Variants in NOTCH2NLC observed in about 807,000 individuals in gnomAD.
The protein encoded by NOTCH2NLC is notch 2 N-terminal like C, also known as notch homolog 2 N-terminal-like protein C.
A neutral mutation model predicts 17.7 loss-of-function variants in NOTCH2NLC; 4 were observed. That is an observed-to-expected ratio of 0.23 (90% confidence interval 0.11 to 0.52). NOTCH2NLC has a LOEUF of 0.52. Among genes scored for constraint, NOTCH2NLC ranks in the 20% least tolerant of loss-of-function variants. NOTCH2NLC has a pLI of 0.96. For synonymous variants in NOTCH2NLC, 18 were observed against 86.0 expected (o/e 0.21, Z 4.38); for missense variants, 57 against 207.2 (o/e 0.28, Z 4.45).
At chr1:149,424,438 T>A (rs1371406383) in intron 1 of NOTCH2NLC, among the ~76,000 whole-genome samples, 6 of 150,616 alleles carry the variant, frequency 4.0e-5, no homozygotes, top group African/African-American at 1.5e-4. Context: ...CTCATTAGAT[T>A]GTAAGGACCA....
intron 1 of NOTCH2NLC, among the ~76,000 whole-genome samples, chr1:149,417,173 G>A (rs1159259270): frequency 6.9e-5 from 9 of 130,894 alleles, no homozygotes; most frequent in Non-Finnish European, 1.1e-4. Flanking sequence ...GCAGTGGCGC[G>A]ATCTCTGCTC....
rs1328522008 is a variant in NOTCH2NLC, at chr1:149,410,371, G to A, written c.135+19449G>A. 3.3e-5 allele frequency among the ~76,000 whole-genome samples: 5 copies of A among 149,744 alleles called. 1 individual carries two copies. The highest frequency in any genetic ancestry group is 3.3e-4 in the Admixed American group (5 of 15,038). ...TTCCTGCCTTTTGATAAAAAACAGT[G>A]TGTTTTTTTCTAAATCTTGTTGTGT... On this transcript the variant is annotated intron_variant, in intron 1 of 4. Transcript: ENST00000650865.
intron 1 of NOTCH2NLC, among the ~76,000 whole-genome samples, chr1:149,398,595 A>G (rs2084222165): frequency 6.6e-6 from 1 of 150,698 alleles, no homozygotes; most frequent in Non-Finnish European, 1.5e-5. Flanking sequence ...TAGCTCCCCA[A>G]TAGTTTGGCC....
At chr1:149,448,599 T>G (rs2084568728) in intron 2 of NOTCH2NLC, among the ~76,000 whole-genome samples, 1 of 150,144 alleles carries the variant, frequency 6.7e-6, no homozygotes, top group Admixed American at 6.7e-5. Flanking sequence ...CGGAGCATTA[T>G]TCTTTCTTGA....
chr1:149,429,396 T>A (rs2084431456), intron 1 of NOTCH2NLC, among the ~76,000 whole-genome samples: 1 of 149,760 alleles, frequency 6.7e-6, no homozygotes, highest in Non-Finnish European at 1.5e-5. Context: ...TGGATTCAAA[T>A]TCTAGCTTTC....
At chr1:149,421,314 G>A (rs1330844649) in intron 1 of NOTCH2NLC, among the ~76,000 whole-genome samples, 17 of 146,586 alleles carry the variant, frequency 1.2e-4, no homozygotes, top group Non-Finnish European at 2.0e-4. Context: ...TGGCTAACAC[G>A]GTGAAACCCT....
At chr1:149,429,754 C>T (rs1339227128) in intron 1 of NOTCH2NLC, among the ~76,000 whole-genome samples, 1 of 150,930 alleles carries the variant, frequency 6.6e-6, no homozygotes, top group Non-Finnish European at 1.5e-5. Flanking sequence ...GTTTCGTGGC[C>T]AGGGATGGCC....
intron 1 of NOTCH2NLC, among the ~76,000 whole-genome samples, chr1:149,424,988 T>C (rs1212002072): frequency 1.3e-5 from 2 of 151,324 alleles, no homozygotes; most frequent in Non-Finnish European, 3.0e-5. Flanking sequence ...ACCTTCAACA[T>C]TGGGGATTAC....
At chr1:149,401,819 G>GT (rs2084247764) in intron 1 of NOTCH2NLC, among the ~76,000 whole-genome samples, 1 of 86,226 alleles carries the variant, frequency 1.2e-5, no homozygotes, top group African/African-American at 4.6e-5. Flanking sequence ...CTCTGCCTCA[G>GT]TTTTTTCCAT....
intron 1 of NOTCH2NLC, among the ~76,000 whole-genome samples, chr1:149,424,060 G>A (rs1207224566): frequency 1.3e-5 from 2 of 151,166 alleles, no homozygotes; most frequent in Admixed American, 6.6e-5. Flanking sequence ...CTAGGTAAAT[G>A]CCTAGAGGAA....
chr1:149,432,265 C>T (rs2084455734), intron 2 of NOTCH2NLC, among the ~76,000 whole-genome samples: 2 of 149,154 alleles, frequency 1.3e-5, no homozygotes, highest in South Asian at 2.1e-4. Flanking sequence ...GTTCTGACAC[C>T]AGGATTTAGT....
rs1383362608 is a variant in NOTCH2NLC, at chr1:149,445,737, A to G, written c.210-9581A>G. On this transcript the variant is annotated intron_variant, in intron 2 of 4. Transcript: ENST00000650865. The stretch of plus-strand genomic sequence containing the variant: ...CAGCTGCAGTGCCGACGCAACCCAC[A>G]TGAGACTTTTTTTTCCCCTTCGTTC... 2.1e-4 allele frequency among the ~76,000 whole-genome samples: 31 copies of G among 148,942 alleles called. 1 individual carries two copies. The East Asian group carries it at 4.8e-3, about 23-fold the overall frequency.
intron 1 of NOTCH2NLC, among the ~76,000 whole-genome samples, chr1:149,409,291 TTAAG>T (rs2084285480): frequency 6.7e-6 from 1 of 150,190 alleles, no homozygotes; most frequent in South Asian, 2.1e-4. Context: ...AATATCTGAA[TTAAG>T]TATCTCTGAT....
intron 1 of NOTCH2NLC, among the ~76,000 whole-genome samples, chr1:149,408,639 T>G (rs1359448187): frequency 1.3e-5 from 2 of 151,380 alleles, no homozygotes; most frequent in Admixed American, 1.3e-4. Flanking sequence ...AAATTTTAAC[T>G]CTGCCAAATG....
At chr1:149,400,131 T>TA (rs1170295050) in intron 1 of NOTCH2NLC, among the ~76,000 whole-genome samples, 1 of 135,002 alleles carries the variant, frequency 7.4e-6, no homozygotes, top group Non-Finnish European at 1.6e-5. Flanking sequence ...TATATATATA[T>TA]AATATATATT....
At chr1:149,427,425 G>C (rs1315378535) in intron 1 of NOTCH2NLC, among the ~76,000 whole-genome samples, 7 of 140,596 alleles carry the variant, frequency 5.0e-5, no homozygotes, top group African/African-American at 1.6e-4. Context: ...TTCTATCCAT[G>C]TTGTCTCAAA....
chr1:149,448,841 A>G (rs1484676600), intron 2 of NOTCH2NLC, among the ~76,000 whole-genome samples: 18 of 140,408 alleles, frequency 1.3e-4, no homozygotes, highest in Non-Finnish European at 3.1e-5. Flanking sequence ...TCTAGAGTCT[A>G]CTTGGGTTTG....
rs1436533772 is a variant in NOTCH2NLC, at chr1:149,464,790, G to T, written c.*637G>T. On this transcript the variant is annotated 3_prime_UTR_variant, in exon 5 of 5. Transcript: ENST00000650865. ...AAAAGAAGGAAAACTGTAGGGGGGAGTAATGTGCTAAGTAAGCAGAATTGC... is the reference window on the plus strand; with the variant it reads ...AAAAGAAGGAAAACTGTAGGGGGGATTAATGTGCTAAGTAAGCAGAATTGC... 1.3e-5 allele frequency: 2 copies of T among 151,580 alleles called. No homozygotes were observed. Among genetic ancestry groups the T allele is most frequent in the African/African-American group, 2.4e-5 (1 of 41,190 alleles). The allele number at this position is 151,580 out of a possible 1,614,324, so 9.4% of individuals were successfully genotyped here.
chr1:149,396,091 G>A (rs1430503898), intron 1 of NOTCH2NLC, among the ~76,000 whole-genome samples: 1 of 150,126 alleles, frequency 6.7e-6, no homozygotes, highest in African/African-American at 2.5e-5. Flanking sequence ...CATTCTATAG[G>A]AGAGGCTGAT....
Sources: gnomAD v4.1 joint callset for allele counts (sites outside exome capture counted in the v4.1 genomes callset) on GRCh38, gnomAD v4.1.1 for gene constraint, MANE v1.5 for transcripts, NCBI Gene and HGNC (gene_info 2026-07-23, HGNC 2026-07-21) for gene names.